Variants in FUT8 observed in about 807,000 individuals in gnomAD.
The protein encoded by FUT8 is alpha-(1,6)-fucosyltransferase.
A neutral mutation model predicts 71.3 loss-of-function variants in FUT8; 29 were observed. The observed-to-expected ratio is 0.41, with a 90% CI of 0.30 to 0.55. The LOEUF is 0.55. Ranked by LOEUF, FUT8 falls within the 20% of genes least tolerant of loss-of-function variation. FUT8 has a pLI of 0.34. For synonymous variants in FUT8, 254 were observed against 239.3 expected (o/e 1.06, Z -0.57); for missense variants, 544 against 702.1 (o/e 0.77, Z 2.55).
chr14:65,458,335 CAAGT>C (rs1045715592), intron 2 of FUT8: 1 of 152,004 alleles, frequency 6.6e-6, no homozygotes, highest in Non-Finnish European at 1.5e-5. Flanking sequence ...CTAGAAAAGT[CAAGT>C]AAATTAGAAT....
At position 65,548,244 on chromosome 14, in the gene FUT8, G is replaced by C. The variant is rs182675674; in HGVS notation, c.-227-13093G>C. On this transcript the variant is annotated intron_variant, in intron 2 of 10. Coordinates refer to ENST00000673929, the MANE Select transcript of FUT8 (RefSeq NM_001371533.1). ...GGGACTTTATAATCATCCCCTCCTT[G>C]TACTTTCAACTCTTGGGAACCACTG... is the stretch of plus-strand genomic sequence containing the variant. Among the ~76,000 whole-genome samples the C allele has an allele frequency of 5.0e-4, 76 of 151,896 alleles. 1 individual carries two copies. The highest frequency in any genetic ancestry group is 1.8e-3 in the African/African-American group (73 of 41,500).
At chr14:65,645,119 G>GTGTGCA (rs1253498449) in intron 6 of FUT8, among the ~76,000 whole-genome samples, 1 of 152,166 alleles carries the variant, frequency 6.6e-6, no homozygotes, top group Admixed American at 6.5e-5. Flanking sequence ...TTCATTGCAC[G>GTGTGCA]TGTGCATGAA....
chr14:65,706,289 A>G (rs1313277465), intron 7 of FUT8, among the ~76,000 whole-genome samples: 3 of 152,086 alleles, frequency 2.0e-5, no homozygotes, highest in African/African-American at 4.8e-5. Context: ...CAAAGCCCAT[A>G]CTCTCAGCCA....
intron 2 of FUT8, among the ~76,000 whole-genome samples, chr14:65,474,901 C>G (rs747102952): frequency 6.6e-6 from 1 of 152,172 alleles, no homozygotes; most frequent in Non-Finnish European, 1.5e-5. Flanking sequence ...TATTGCCAGG[C>G]TGGTCTGGAA....
At chr14:65,608,641 A>T (rs780352979) in intron 3 of FUT8, among the ~76,000 whole-genome samples, 1 of 152,136 alleles carries the variant, frequency 6.6e-6, no homozygotes, top group South Asian at 2.1e-4. Flanking sequence ...TTTGAAATAC[A>T]TATCAAATCT....
intron 6 of FUT8, among the ~76,000 whole-genome samples, chr14:65,666,677 G>A (rs1892233243): frequency 6.6e-6 from 1 of 151,970 alleles, no homozygotes; most frequent in Admixed American, 6.6e-5. Flanking sequence ...ATTCTGTGAG[G>A]GCAGCATCAT....
chr14:65,688,918 G>A (rs1893437158), intron 7 of FUT8, among the ~76,000 whole-genome samples: 1 of 152,136 alleles, frequency 6.6e-6, no homozygotes. Flanking sequence ...AGAAAATTCT[G>A]TGTCTCTTCC....
chr14:65,398,167 T>C, the FUT8 span, among the ~76,000 whole-genome samples: 1 of 152,146 alleles, frequency 6.6e-6, no homozygotes, highest in East Asian at 1.9e-4. Flanking sequence ...ATTATATTTA[T>C]TTATTTATTT....
intron 6 of FUT8, among the ~76,000 whole-genome samples, chr14:65,640,078 G>C (rs986044747): frequency 6.6e-6 from 1 of 152,066 alleles, no homozygotes; most frequent in East Asian, 1.9e-4. Flanking sequence ...ATGGAAAAAT[G>C]AGAGAAGTGA....
At chr14:65,697,505 A>G (rs911384307) in intron 7 of FUT8, among the ~76,000 whole-genome samples, 2 of 152,174 alleles carry the variant, frequency 1.3e-5, no homozygotes. Context: ...GCTCTGGTAA[A>G]CTAGTTTTCC....
intron 2 of FUT8, among the ~76,000 whole-genome samples, chr14:65,497,514 G>A (rs1023493228): frequency 2.7e-4 from 41 of 151,848 alleles, no homozygotes; most frequent in Admixed American, 4.6e-4. Context: ...TATTCTTCCC[G>A]ATGATTAAAA....
intron 3 of FUT8, among the ~76,000 whole-genome samples, chr14:65,566,487 A>G (rs1014770326): frequency 6.6e-5 from 10 of 152,158 alleles, no homozygotes; most frequent in Middle Eastern, 3.4e-3. Flanking sequence ...AGAGTTATGT[A>G]TAGACCCGAT....
At chr14:65,722,811 A>G (rs146800867) in intron 8 of FUT8, among the ~76,000 whole-genome samples, 1 of 152,236 alleles carries the variant, frequency 6.6e-6, no homozygotes. Flanking sequence ...TGAAGATGGC[A>G]GAGTAACTCT....
At chr14:65,612,137 A>G (rs1889033421) in intron 3 of FUT8, among the ~76,000 whole-genome samples, 1 of 151,894 alleles carries the variant, frequency 6.6e-6, no homozygotes, top group South Asian at 2.1e-4. Flanking sequence ...GTTTTTTTGC[A>G]AGCCTGGTAA....
intron 7 of FUT8, among the ~76,000 whole-genome samples, chr14:65,706,101 A>G (rs557357731): frequency 7.9e-5 from 12 of 152,328 alleles, no homozygotes; most frequent in African/African-American, 2.9e-4. Flanking sequence ...ATTTTATTTC[A>G]TCCTTAAAAT....
At chr14:65,699,884 A>G (rs1447084129) in intron 7 of FUT8, among the ~76,000 whole-genome samples, 1 of 152,072 alleles carries the variant, frequency 6.6e-6, no homozygotes, top group Non-Finnish European at 1.5e-5. Context: ...TAACTTCTGA[A>G]CTCCAGTATT....
At chr14:65,499,591 A>G (rs927414046) in intron 2 of FUT8, among the ~76,000 whole-genome samples, 1 of 151,954 alleles carries the variant, frequency 6.6e-6, no homozygotes, top group Non-Finnish European at 1.5e-5. Flanking sequence ...AGGTGGGAGG[A>G]TTACTTGAGC....
chr14:65,451,531 C>T (rs1357809535), intron 1 of FUT8, among the ~76,000 whole-genome samples: 1 of 152,234 alleles, frequency 6.6e-6, no homozygotes, highest in African/African-American at 2.4e-5. Flanking sequence ...AGTGGCAGCC[C>T]TCTGCCAGTG....
intron 2 of FUT8, among the ~76,000 whole-genome samples, chr14:65,509,712 C>G (rs1194698105): frequency 6.6e-6 from 1 of 151,740 alleles, no homozygotes; most frequent in African/African-American, 2.4e-5. Flanking sequence ...TTTTAAATTT[C>G]TTTTTCAATT....
Sources: allele counts gnomAD v4.1 joint callset (sites outside exome capture counted in the v4.1 genomes callset), GRCh38; gene constraint gnomAD v4.1.1; transcripts MANE v1.5; gene names NCBI Gene and HGNC (gene_info 2026-07-23, HGNC 2026-07-21).